ST3GAL1: variants seen among roughly 807,000 people sequenced by gnomAD.
The protein encoded by ST3GAL1 is CMP-N-acetylneuraminate-beta-galactosamide-alpha-2,3-sialyltransferase 1.
ST3GAL1 carries 16 observed loss-of-function variants against 34.1 expected under a neutral mutation model. The observed-to-expected ratio is 0.47, with a 90% CI of 0.32 to 0.71. The LOEUF is 0.71. Ranked by LOEUF, ST3GAL1 falls within the 30% of genes least tolerant of loss-of-function variation. The probability of loss-of-function intolerance (pLI) is 0.04; values close to 1 mark genes in which losing one functional copy is unlikely to be tolerated. For synonymous variants in ST3GAL1, 191 were observed against 184.7 expected (o/e 1.03, Z -0.28); for missense variants, 353 against 447.4 (o/e 0.79, Z 1.90).
intron 2 of ST3GAL1, among the ~76,000 whole-genome samples, chr8:133,533,634 C>A (rs1032597316): frequency 1.3e-5 from 2 of 152,206 alleles, no homozygotes; most frequent in African/African-American, 4.8e-5. Flanking sequence ...CCCACTGTGG[C>A]TGTATCCTGA....
At chr8:133,541,274 G>C (rs1195383805) in intron 2 of ST3GAL1, among the ~76,000 whole-genome samples, 3 of 151,406 alleles carry the variant, frequency 2.0e-5, no homozygotes, top group Non-Finnish European at 2.9e-5. Flanking sequence ...CATTTATCTG[G>C]TGCACATTCT....
At chr8:133,482,482 T>C (rs13274958) in intron 3 of ST3GAL1, among the ~76,000 whole-genome samples, 42,670 of 152,138 alleles carry the variant, frequency 0.28, 6,821 homozygotes, top group Non-Finnish European at 0.38. Context: ...AAGAGGCAGA[T>C]CTGCAGGCTG....
intron 5 of ST3GAL1, among the ~76,000 whole-genome samples, chr8:133,475,361 G>A (rs1419642681): frequency 6.6e-6 from 1 of 152,238 alleles, no homozygotes; most frequent in East Asian, 1.9e-4. Context: ...AGAGCTGCAA[G>A]AGGATGCACT....
At chr8:133,521,205 C>T (rs1817798929) in intron 2 of ST3GAL1, among the ~76,000 whole-genome samples, 2 of 138,222 alleles carry the variant, frequency 1.4e-5, no homozygotes, top group East Asian at 2.2e-4. Context: ...GCAATCTTGG[C>T]TCACTGCAAC....
rs186219901 is a variant in ST3GAL1, at chr8:133,458,720, C to G, written c.*1044G>C. 1 of 152,226 alleles carries G rather than the reference C, an allele frequency of 6.6e-6. No homozygotes were observed. Among genetic ancestry groups the G allele is most frequent in the East Asian group, 1.9e-4 (1 of 5,182 alleles). The allele number at this position is 152,226 out of a possible 1,614,324, so 9.4% of individuals were successfully genotyped here. Reference sequence around the variant, plus strand: ...GTAAGGGCTTTTGTTTCATTTCAGCCAATGCATGCTTTTCTTTCCCAAATA... The same window carrying G: ...GTAAGGGCTTTTGTTTCATTTCAGCGAATGCATGCTTTTCTTTCCCAAATA... On this transcript the variant is annotated 3_prime_UTR_variant, in exon 10 of 10. Transcript: ENST00000522652.
chr8:133,510,694 C>A (rs1488657732), intron 2 of ST3GAL1, among the ~76,000 whole-genome samples: 1 of 152,138 alleles, frequency 6.6e-6, no homozygotes, highest in South Asian at 2.1e-4. Context: ...ATTTAAAGCA[C>A]CGTTCCTCAG....
chr8:133,466,078 C>T lies in ST3GAL1; in HGVS notation c.319G>A (p.Glu107Lys), dbSNP rs1317262907. The change falls in exon 6 of 10, where the codon GAG (glutamate) becomes AAG (lysine). Residue 107 changes from glutamate (E) to lysine (K), a missense_variant. Coordinates refer to ENST00000522652, the MANE Select transcript of ST3GAL1 (RefSeq NM_173344.3). This position sits in a 1 kb window ranked among gnomAD's most constrained non-coding sequence, Gnocchi z 4.4. ...TYRWWLRLQREKKPNNLNDTI... is the reference protein window; with the variant it reads ...TYRWWLRLQRKKKPNNLNDTI... ...TCATTCAAGTTATTGGGCTTCTTCT[C>T]CCGCTGGAGCCTCTGTGGGCGGAGG... The T allele has an allele frequency of 1.9e-6, 3 of 1,612,084 alleles. No individual in the cohort carries two copies. Among genetic ancestry groups the T allele is most frequent in the Non-Finnish European group, 2.5e-6 (3 of 1,178,520 alleles).
At position 133,545,754 on chromosome 8, in the gene ST3GAL1, G is replaced by A. The variant is rs548275993; in HGVS notation, c.-429+20C>T. 1.2e-4 allele frequency: 18 copies of A among 152,170 alleles called. No individual in the cohort carries two copies. The highest frequency in any genetic ancestry group is 4.3e-4 in the African/African-American group (18 of 41,484). The allele number at this position is 152,170 out of a possible 1,614,324, so 9.4% of individuals were successfully genotyped here. A position where few individuals can be genotyped will look rare whatever the true frequency, so the allele number is the denominator to read the frequency against. The stretch of plus-strand genomic sequence containing the variant: ...AGACAGCACATCTCACTTGTGCTGC[G>A]GACAGATTAGTCACTTTACCTCCAT... On this transcript the variant is annotated intron_variant, in intron 2 of 9. Coordinates refer to ENST00000522652, the MANE Select transcript of ST3GAL1 (RefSeq NM_173344.3).
chr8:133,531,335 T>C (rs1026857463), intron 2 of ST3GAL1, among the ~76,000 whole-genome samples: 4 of 152,188 alleles, frequency 2.6e-5, no homozygotes, highest in Admixed American at 6.5e-5. Flanking sequence ...ATAGTATGTA[T>C]GTGATATGTG....
At chr8:133,559,915 G>A (rs973657407) in intron 1 of ST3GAL1, among the ~76,000 whole-genome samples, 43 of 152,042 alleles carry the variant, frequency 2.8e-4, no homozygotes, top group African/African-American at 1.0e-3. Flanking sequence ...GGCACCTTGG[G>A]GCTCTTCGAA....
chr8:133,562,831 TTCCTTCCTTC>T, intron 1 of ST3GAL1, among the ~76,000 whole-genome samples: 5 of 113,254 alleles, frequency 4.4e-5, no homozygotes, highest in African/African-American at 1.6e-4. Context: ...CCTTCCTTCC[TTCCTTCCTTC>T]CTTTCTTTCT....
intron 5 of ST3GAL1, among the ~76,000 whole-genome samples, chr8:133,470,863 C>T (rs1815926927): frequency 6.6e-6 from 1 of 152,170 alleles, no homozygotes; most frequent in African/African-American, 2.4e-5. Flanking sequence ...TCACCTCACC[C>T]TGCACTCGGG....
In ST3GAL1 at chr8:133,472,444, A is replaced by G. The variant is rs568728178; in HGVS notation, c.306+3275T>C. ...ACACGTGGGAATTGTGGGAGCTACA[A>G]TTCAAGATGAGATTTGGGTGAAAGC... is the stretch of plus-strand genomic sequence containing the variant. On this transcript the variant is annotated intron_variant, in intron 5 of 9. Transcript: ENST00000522652. Among the ~76,000 whole-genome samples the G allele has an allele frequency of 4.6e-5, 7 of 152,284 alleles. No homozygotes were observed. In the South Asian group the frequency reaches 1.5e-3, roughly 32 times the overall value.
At chr8:133,561,072 T>C (rs991245314) in intron 1 of ST3GAL1, among the ~76,000 whole-genome samples, 7 of 151,910 alleles carry the variant, frequency 4.6e-5, no homozygotes, top group African/African-American at 1.5e-4. Flanking sequence ...GAAATTATTT[T>C]CTGTGAAGCC....
rs1259645456 is a variant in ST3GAL1 at position 133,506,905 on chromosome 8, C to T, written c.-428-7716G>A. ...GAGATGGAGACCATCCTGGCGAACA[C>T]GGTGAAACCCTGTCTCTACTAAAAA... is the stretch of plus-strand genomic sequence containing the variant. On this transcript the variant is annotated intron_variant, in intron 2 of 9. Coordinates refer to ENST00000522652, the MANE Select transcript of ST3GAL1 (RefSeq NM_173344.3). Among the ~76,000 whole-genome samples the T allele has an allele frequency of 5.3e-5, 8 of 151,250 alleles. No homozygotes were observed. The South Asian group carries it at 8.3e-4, about 16-fold the overall frequency.
intron 2 of ST3GAL1, among the ~76,000 whole-genome samples, chr8:133,523,030 T>C (rs1485109677): frequency 1.3e-5 from 2 of 152,166 alleles, no homozygotes; most frequent in Non-Finnish European, 2.9e-5. Context: ...CTAAACTTCA[T>C]GGAGTTTCTG....
Position 133,461,799 on chromosome 8 carries a change from C to A in ST3GAL1, c.849+76G>T, listed in dbSNP as rs1302889064. 6.3e-7 allele frequency: 1 copy of A among 1,589,688 alleles called. No individual in the cohort carries two copies. Among genetic ancestry groups the A allele is most frequent in the African/African-American group, 1.3e-5 (1 of 74,730 alleles). On this transcript the variant is annotated intron_variant, in intron 9 of 9. Coordinates refer to ENST00000522652, the MANE Select transcript of ST3GAL1 (RefSeq NM_173344.3). This position sits in a 1 kb window ranked among gnomAD's most constrained non-coding sequence, Gnocchi z 4.7. ...GGCAGGCTAGGTCTACCTGCCCTCC[C>A]CCTCCCTGGCCTCTCTTGGGAACAC...
chr8:133,491,071 G>GA (rs1231944976), intron 3 of ST3GAL1, among the ~76,000 whole-genome samples: 9 of 151,930 alleles, frequency 5.9e-5, no homozygotes, highest in African/African-American at 1.4e-4. Context: ...GGAAGTCGGG[G>GA]AAAAAAAAGA....
intron 2 of ST3GAL1, among the ~76,000 whole-genome samples, chr8:133,526,671 A>G (rs781377157): frequency 1.6e-4 from 24 of 152,318 alleles, no homozygotes; most frequent in Non-Finnish European, 2.6e-4. Context: ...GTGAGCTGCC[A>G]CAGTGCCTGG....
Sources: allele counts gnomAD v4.1 joint callset (sites outside exome capture counted in the v4.1 genomes callset), GRCh38; gene constraint gnomAD v4.1.1; non-coding constraint Gnocchi (gnomAD v3.1); transcripts MANE v1.5; gene names NCBI Gene and HGNC (gene_info 2026-07-23, HGNC 2026-07-21).